The following ZFAND3 variants were observed in gnomAD, a reference collection of about 807,000 sequenced individuals.
The protein encoded by ZFAND3 is zinc finger AN1-type containing 3, also known as AN1-type zinc finger protein 3.
ZFAND3 carries 10 observed loss-of-function variants against 29.6 expected under a neutral mutation model. The ratio of observed to expected loss-of-function variants is 0.34; its 90% CI spans 0.21 to 0.57. ZFAND3 has a LOEUF of 0.57. ZFAND3 is among the 20% of genes least tolerant of loss of function. The pLI is 0.86. For synonymous variants in ZFAND3, 128 were observed against 112.6 expected (o/e 1.14, Z -0.87); for missense variants, 230 against 304.5 (o/e 0.76, Z 1.82).
At chr6:38,089,049 G>C (rs1764812272) in intron 4 of ZFAND3, among the ~76,000 whole-genome samples, 1 of 152,046 alleles carries the variant, frequency 6.6e-6, no homozygotes, top group South Asian at 2.1e-4. Flanking sequence ...AACTAGAATA[G>C]CTTTGTATTG....
At chr6:37,868,884 C>T (rs1176542191) in intron 1 of ZFAND3, among the ~76,000 whole-genome samples, 1 of 152,138 alleles carries the variant, frequency 6.6e-6, no homozygotes, top group Admixed American at 6.5e-5. Context: ...GTCTATTTTT[C>T]TGGAAGTGTT....
At chr6:38,076,111 C>A (rs1262950527) in intron 3 of ZFAND3, among the ~76,000 whole-genome samples, 1 of 152,076 alleles carries the variant, frequency 6.6e-6, no homozygotes, top group African/African-American at 2.4e-5. Context: ...CTACCACCCC[C>A]TGATCAGTTA....
intron 5 of ZFAND3, among the ~76,000 whole-genome samples, chr6:38,130,872 C>A (rs1437812428): frequency 1.3e-5 from 2 of 152,098 alleles, no homozygotes; most frequent in Non-Finnish European, 2.9e-5. Flanking sequence ...GGAATAGTGT[C>A]AATAGGATTA....
chr6:37,994,118 CTG>C lies in ZFAND3; in HGVS notation c.112+64137_112+64138del, dbSNP rs10535939. ...AAGAACAAGTTCATGGAGTGTGTGT[CTG>C]TGTGTGTGTGTGTGTGTTTTGGCTT... is the stretch of plus-strand genomic sequence containing the variant. On this transcript the variant is annotated intron_variant, in intron 2 of 5. Transcript: ENST00000287218. Among the ~76,000 whole-genome samples, 53 of 150,588 alleles carry C rather than the reference CTG, an allele frequency of 3.5e-4. 1 individual carries two copies. The highest frequency in any genetic ancestry group is 6.9e-3 in the Middle Eastern group (2 of 288).
chr6:38,031,356 A>G (rs2127451802), intron 2 of ZFAND3, among the ~76,000 whole-genome samples: 1 of 152,304 alleles, frequency 6.6e-6, no homozygotes, highest in South Asian at 2.1e-4. Flanking sequence ...TCATTAAGCC[A>G]TTCTCCTGAT....
Position 37,884,024 on chromosome 6 carries a change from G to GGGAAAGAT in ZFAND3, c.72-45933_72-45926dup, listed in dbSNP as rs768010089. On this transcript the variant is annotated intron_variant, in intron 1 of 5. Transcript: ENST00000287218. ...ACAAGGGCCCTAGAGCTCCTGGGTA[G>GGGAAAGAT]GGAAAGATGTCTAGAGTTCTGATGT... is the stretch of plus-strand genomic sequence containing the variant. 1.4e-5 allele frequency among the ~76,000 whole-genome samples: 2 copies of GGGAAAGAT among 145,162 alleles called. 1 individual carries two copies. Among genetic ancestry groups the GGGAAAGAT allele is most frequent in the Non-Finnish European group, 3.0e-5 (2 of 67,434 alleles).
chr6:37,836,512 T>G (rs1239789636), intron 1 of ZFAND3, among the ~76,000 whole-genome samples: 1 of 152,170 alleles, frequency 6.6e-6, no homozygotes, highest in Non-Finnish European at 1.5e-5. Flanking sequence ...ATGGTCAAGT[T>G]AAGATGATAA....
chr6:37,900,017 T>C (rs1470350678), intron 1 of ZFAND3, among the ~76,000 whole-genome samples: 1 of 152,196 alleles, frequency 6.6e-6, no homozygotes, highest in Non-Finnish European at 1.5e-5. Context: ...TTCTTTTGGG[T>C]AAGATTGTTT....
At chr6:38,031,671 A>G (rs1763561639) in intron 2 of ZFAND3, among the ~76,000 whole-genome samples, 2 of 152,198 alleles carry the variant, frequency 1.3e-5, no homozygotes, top group African/African-American at 4.8e-5. Flanking sequence ...CCAATTGTAA[A>G]TGAAGATATT....
chr6:38,118,773 A>AAAAC (rs976419480), intron 5 of ZFAND3, among the ~76,000 whole-genome samples: 6 of 151,650 alleles, frequency 4.0e-5, no homozygotes, highest in African/African-American at 1.5e-4. Context: ...AGAAAAAAAA[A>AAAAC]AAAACAGTAA....
intron 5 of ZFAND3, among the ~76,000 whole-genome samples, chr6:38,140,707 A>G (rs1054785729): frequency 3.3e-5 from 5 of 152,086 alleles, no homozygotes; most frequent in Admixed American, 3.3e-4. Context: ...TGAAGTCATC[A>G]TATCTGAGCC....
chr6:37,942,240 G>C (rs990358670), intron 2 of ZFAND3, among the ~76,000 whole-genome samples: 6 of 151,872 alleles, frequency 4.0e-5, no homozygotes, highest in Admixed American at 6.6e-5. Flanking sequence ...GACTCACAAA[G>C]AAGAGCCATT....
intron 4 of ZFAND3, among the ~76,000 whole-genome samples, chr6:38,103,290 C>T (rs1242852346): frequency 6.6e-6 from 1 of 151,446 alleles, no homozygotes; most frequent in Non-Finnish European, 1.5e-5. Flanking sequence ...AAGAGCCTGT[C>T]AGCAACATTG....
intron 2 of ZFAND3, among the ~76,000 whole-genome samples, chr6:37,935,644 G>T (rs1462173271): frequency 6.6e-6 from 1 of 152,112 alleles, no homozygotes; most frequent in Non-Finnish European, 1.5e-5. Flanking sequence ...CTTGCATTGA[G>T]TTGAAAATAA....
chr6:38,042,541 T>G (rs1763812069), intron 2 of ZFAND3, among the ~76,000 whole-genome samples: 1 of 152,070 alleles, frequency 6.6e-6, no homozygotes, highest in Middle Eastern at 3.2e-3. Flanking sequence ...CTTGAACTCC[T>G]GAGCTCAAGT....
intron 3 of ZFAND3, among the ~76,000 whole-genome samples, chr6:38,070,242 G>A (rs2127466681): frequency 6.6e-6 from 1 of 152,134 alleles, no homozygotes; most frequent in South Asian, 2.1e-4. Flanking sequence ...GGTCAACATG[G>A]TGAAACCCCC....
At chr6:37,968,938 A>G (rs1183086841) in intron 2 of ZFAND3, among the ~76,000 whole-genome samples, 2 of 152,234 alleles carry the variant, frequency 1.3e-5, no homozygotes, top group Non-Finnish European at 2.9e-5. Context: ...GTTAAACTGC[A>G]GTCATGTGTC....
intron 2 of ZFAND3, among the ~76,000 whole-genome samples, chr6:38,033,118 G>A (rs571438459): frequency 1.3e-5 from 2 of 152,260 alleles, no homozygotes; most frequent in African/African-American, 4.8e-5. Context: ...CAAAATGGCT[G>A]CAAGTAAACT....
At chr6:38,103,873 T>C (rs955659836) in intron 4 of ZFAND3, among the ~76,000 whole-genome samples, 3 of 152,218 alleles carry the variant, frequency 2.0e-5, no homozygotes, top group Admixed American at 2.0e-4. Context: ...ATGCTATAAA[T>C]GTAGTATTTT....
Sources: allele counts gnomAD v4.1 joint callset (sites outside exome capture counted in the v4.1 genomes callset), GRCh38; gene constraint gnomAD v4.1.1; transcripts MANE v1.5; gene names NCBI Gene and HGNC (gene_info 2026-07-23, HGNC 2026-07-21).